SATB1: variants seen among roughly 807,000 people sequenced by gnomAD.
SATB1 encodes the protein SATB homeobox 1.
A neutral mutation model predicts 86.9 loss-of-function variants in SATB1; 11 were observed. The ratio of observed to expected loss-of-function variants is 0.13; its 90% CI spans 0.08 to 0.21. SATB1 has a LOEUF of 0.21. Among genes scored for constraint, SATB1 ranks in the 10% least tolerant of loss-of-function variants. The pLI is 1.00. For synonymous variants in SATB1, 357 were observed against 357.2 expected, an observed-to-expected ratio of 1.00 and a Z score of 0.01; for missense variants, 551 against 937.6, an observed-to-expected ratio of 0.59 and a Z score of 5.39.
Position 18,444,042 on chromosome 3 carries a change from A to T in SATB1, c.-25+1476T>A, listed in dbSNP as rs936968378. Reference sequence around the variant, plus strand: ...AAACTTCCCAGGCCCCTCTTCGCCGATGCTTACAATCAGCCGCGCAGGCAG... The same window carrying T: ...AAACTTCCCAGGCCCCTCTTCGCCGTTGCTTACAATCAGCCGCGCAGGCAG... On this transcript the variant is annotated intron_variant, in intron 1 of 3. Coordinates refer to the SATB1 transcript ENST00000415069. The surrounding 1 kb of genome is among the most constrained non-coding windows in gnomAD (Gnocchi z 5.1). Among the ~76,000 whole-genome samples, 4 of 152,084 alleles carry T rather than the reference A, an allele frequency of 2.6e-5. No homozygotes were observed. The highest frequency in any genetic ancestry group is 9.7e-5 in the African/African-American group (4 of 41,406).
At chr3:18,367,449 T>C (rs555917887) in intron 9 of SATB1, among the ~76,000 whole-genome samples, 47 of 152,186 alleles carry the variant, frequency 3.1e-4, no homozygotes, top group Non-Finnish European at 6.0e-4. Context: ...AGAATAGCAA[T>C]TGCAGAGTGA....
At chr3:18,387,585 G>T (rs906321571) in intron 7 of SATB1, among the ~76,000 whole-genome samples, 2 of 152,088 alleles carry the variant, frequency 1.3e-5, no homozygotes, top group Admixed American at 6.5e-5. Flanking sequence ...TGAAATAAAA[G>T]AATTGGAAAA....
rs867226721 is a variant in SATB1 at position 18,394,601 on chromosome 3, G to T, written c.1067C>A (p.Ser356Tyr). Residue 356 changes from serine to tyrosine, a missense_variant, in exon 7 of 11, where the codon TCT becomes TAT. This residue lies in a region of SATB1 where 119 missense variants were observed against 171.1 expected (regional missense o/e 0.70). Transcript: ENST00000338745. This position sits in a 1 kb window ranked among gnomAD's most constrained non-coding sequence, Gnocchi z 5.9. ...YLNHPPPVSR[S>Y]MNKPLEQQVS... ...CTGTTGCTCCAAAGGCTTATTCATA[G>T]ATCTACTGACAGGGGGAGGGTGGTT... is the stretch of plus-strand genomic sequence containing the variant. 6.2e-7 allele frequency: 1 copy of T among 1,614,220 alleles called. No individual in the cohort carries two copies. The highest frequency in any genetic ancestry group is 1.7e-5 in the Admixed American group (1 of 60,032).
intron 9 of SATB1, among the ~76,000 whole-genome samples, chr3:18,361,185 TAAG>T (rs780893178): frequency 3.3e-5 from 5 of 152,194 alleles, no homozygotes; most frequent in Middle Eastern, 3.4e-3. Flanking sequence ...ATCTATTTGT[TAAG>T]AAGTCTGGGT....
intron 9 of SATB1, among the ~76,000 whole-genome samples, chr3:18,369,743 A>C (rs913373777): frequency 1.3e-5 from 2 of 152,126 alleles, no homozygotes; most frequent in African/African-American, 4.8e-5. Context: ...AGGAGGAGAG[A>C]GTTTATCCTG....
intron 5 of SATB1, among the ~76,000 whole-genome samples, chr3:18,405,410 A>AAAAAC (rs1438208963): frequency 5.3e-5 from 8 of 152,112 alleles, no homozygotes; most frequent in Admixed American, 1.3e-4. Context: ...AGCCTTTTAA[A>AAAAAC]AAAACAAAAC....
chr3:18,386,429 G>A lies in SATB1; in HGVS notation c.1389C>T (p.Leu463=). ...GAGGACGGCTGGGTGGTGTGCTGAT[G>A]AGGGGGGCAGGACCCATGGCCGAGG... The part of the protein sequence containing the change: ...NAASAMGPAP[L]ISTPPSRPPQ... The change falls in exon 8 of 11, where the codon CTC becomes CTT. Residue 463 remains leucine, a synonymous_variant. Coordinates refer to ENST00000338745, the MANE Select transcript of SATB1 (RefSeq NM_002971.6). The surrounding 1 kb of genome is among the most constrained non-coding windows in gnomAD (Gnocchi z 4.5). The A allele has an allele frequency of 6.2e-7, 1 of 1,613,984 alleles. No homozygotes were observed. Among genetic ancestry groups the A allele is most frequent in the Non-Finnish European group, 8.5e-7 (1 of 1,180,004 alleles).
At chr3:18,425,526 C>T (rs1211389151), upstream of SATB1, among the ~76,000 whole-genome samples, 9 of 148,362 alleles carry the variant, frequency 6.1e-5, no homozygotes, top group African/African-American at 2.0e-4. Flanking sequence ...GTTAAAAAGC[C>T]GAAAGACAAG....
upstream of SATB1, among the ~76,000 whole-genome samples, chr3:18,425,907 T>C (rs1034013943): frequency 3.3e-5 from 5 of 150,066 alleles, no homozygotes; most frequent in Non-Finnish European, 5.9e-5. Context: ...GGGAGAAAAC[T>C]AACCAACCAC....
At chr3:18,439,257 T>G (rs1395999111), upstream of SATB1, among the ~76,000 whole-genome samples, 1 of 152,222 alleles carries the variant, frequency 6.6e-6, no homozygotes, top group East Asian at 1.9e-4. Flanking sequence ...TGAAAGAGGT[T>G]ATTAGAATTT....
At chr3:18,417,758 TA>T (rs1559453609) in intron 2 of SATB1, 1 of 675,508 alleles carries the variant, frequency 1.5e-6, no homozygotes, top group Non-Finnish European at 2.7e-6. Context: ...CCTACCTAAC[TA>T]AAAAGAGAGC....
intron 5 of SATB1, 115 bp from the exon 6 acceptor site, chr3:18,397,405 T>C (rs1310085794): frequency 3.0e-6 from 2 of 664,662 alleles, no homozygotes; most frequent in Non-Finnish European, 5.3e-6. Context: ...CCAATACATT[T>C]TGGTTTCACA....
chr3:18,445,160 T>C (rs1699357351), intron 1 of SATB1: 1 of 912,586 alleles, frequency 1.1e-6, no homozygotes, highest in African/African-American at 1.8e-5. Flanking sequence ...CGGCGCGGGC[T>C]GGCCAGCGGG....
intron 3 of SATB1, 53 bp downstream of exon 3, chr3:18,416,849 G>C: frequency 6.8e-7 from 1 of 1,473,074 alleles, no homozygotes; most frequent in South Asian, 1.3e-5. Context: ...TTCTCTGCAA[G>C]GTAAACAAAG....
intron 7 of SATB1, among the ~76,000 whole-genome samples, chr3:18,391,200 A>C (rs1181284165): frequency 6.6e-6 from 1 of 152,104 alleles, no homozygotes; most frequent in Non-Finnish European, 1.5e-5. Flanking sequence ...GAAAATTCTC[A>C]ATAGTTAAAA....
chr3:18,406,827 T>C (rs1051532651), intron 5 of SATB1, among the ~76,000 whole-genome samples: 4 of 152,094 alleles, frequency 2.6e-5, no homozygotes, highest in Non-Finnish European at 5.9e-5. Flanking sequence ...GATAGGATAC[T>C]GTAGATAAAA....
chr3:18,419,120 GAT>G, intron 2 of SATB1, among the ~76,000 whole-genome samples: 1 of 152,214 alleles, frequency 6.6e-6, no homozygotes, highest in Admixed American at 6.5e-5. Context: ...GGATTTTATT[GAT>G]CATGTTTAGA....
chr3:18,418,121 A>T (rs1698212467), intron 2 of SATB1, among the ~76,000 whole-genome samples: 1 of 152,168 alleles, frequency 6.6e-6, no homozygotes, highest in South Asian at 2.1e-4. Context: ...TATCATCTTT[A>T]GCATAAATGA....
chr3:18,375,788 G>T (rs529182888), intron 9 of SATB1, among the ~76,000 whole-genome samples: 13 of 151,946 alleles, frequency 8.6e-5, no homozygotes, highest in Admixed American at 2.6e-4. Context: ...TCATAAACAG[G>T]GTAGTGCTAA....
Sources: allele counts gnomAD v4.1 joint callset (sites outside exome capture counted in the v4.1 genomes callset), GRCh38; gene constraint gnomAD v4.1.1; regional missense constraint gnomAD v4.1.1; non-coding constraint Gnocchi (gnomAD v3.1); transcripts MANE v1.5; gene names NCBI Gene and HGNC (gene_info 2026-07-23, HGNC 2026-07-21).